The following LRRC7 variants were observed in gnomAD, a reference collection of about 807,000 sequenced individuals.
LRRC7 encodes leucine rich repeat containing 7.
Under a neutral mutation model 175.7 loss-of-function variants are expected in LRRC7, and 23 were observed. The ratio of observed to expected loss-of-function variants is 0.13; its 90% confidence interval spans 0.09 to 0.19. The LOEUF is 0.19. Among genes scored for constraint, LRRC7 ranks in the 10% least tolerant of loss-of-function variants. The pLI, the probability that LRRC7 is intolerant of heterozygous loss-of-function variation, is 1.00. For missense variants in LRRC7, 1,354 were observed against 1,904.7 expected, an observed-to-expected ratio of 0.71 and a Z score of 5.38; for synonymous variants, 685 against 680.9, an observed-to-expected ratio of 1.01 and a Z score of -0.09.
At chr1:69,856,553 A>G (rs558745883) in intron 7 of LRRC7, among the ~76,000 whole-genome samples, 15 of 152,326 alleles carry the variant, frequency 9.8e-5, no homozygotes, top group African/African-American at 1.7e-4. Context: ...CCCTCCCAAG[A>G]CTAAACCAGG....
intron 2 of LRRC7, among the ~76,000 whole-genome samples, chr1:69,707,292 T>C (rs1664157517): frequency 6.6e-6 from 1 of 152,138 alleles, no homozygotes; most frequent in South Asian, 2.1e-4. Flanking sequence ...TGCCCCCAGA[T>C]GCAGCCTTCC....
intron 7 of LRRC7, among the ~76,000 whole-genome samples, chr1:69,869,807 G>A (rs778965653): frequency 5.3e-5 from 8 of 152,026 alleles, no homozygotes; most frequent in Admixed American, 1.3e-4. Flanking sequence ...AATGTTAGCT[G>A]GATTTGAAAT....
At chr1:69,987,320 G>A (rs2101899466) in intron 10 of LRRC7, among the ~76,000 whole-genome samples, 1 of 152,290 alleles carries the variant, frequency 6.6e-6, no homozygotes, top group East Asian at 1.9e-4. Context: ...AAGCTTTTTT[G>A]TGTAGGTATC....
At chr1:69,915,892 T>C (rs1460358103) in intron 7 of LRRC7, among the ~76,000 whole-genome samples, 1 of 150,622 alleles carries the variant, frequency 6.6e-6, no homozygotes, top group Non-Finnish European at 1.5e-5. Flanking sequence ...ATTCTTATTA[T>C]CATTCTTATA....
At chr1:69,922,852 T>G (rs957392606) in intron 7 of LRRC7, among the ~76,000 whole-genome samples, 2 of 151,974 alleles carry the variant, frequency 1.3e-5, no homozygotes, top group Non-Finnish European at 2.9e-5. Flanking sequence ...GGGTACATGT[T>G]CACAATGTGC....
At chr1:69,603,348 G>A (rs571579301) in intron 1 of LRRC7, among the ~76,000 whole-genome samples, 5 of 152,188 alleles carry the variant, frequency 3.3e-5, no homozygotes, top group South Asian at 2.1e-4. Context: ...TGTTAATTAC[G>A]TTATCCTGGT....
chr1:69,989,985 G>A (rs1023652724), intron 10 of LRRC7, among the ~76,000 whole-genome samples: 6 of 152,098 alleles, frequency 3.9e-5, no homozygotes, highest in Non-Finnish European at 7.4e-5. Context: ...TCAAAGTACT[G>A]AAGGTTAATT....
intron 2 of LRRC7, among the ~76,000 whole-genome samples, chr1:69,736,860 T>C (rs1668171139): frequency 6.6e-6 from 1 of 152,122 alleles, no homozygotes; most frequent in Non-Finnish European, 1.5e-5. Flanking sequence ...CTGCCTTTGA[T>C]ATTATTAGCC....
chr1:70,048,978 G>T (rs929876878), intron 22 of LRRC7, among the ~76,000 whole-genome samples: 2 of 151,930 alleles, frequency 1.3e-5, no homozygotes, highest in Admixed American at 6.6e-5. Context: ...TAAATAGTGT[G>T]GTCTCTTCTA....
intron 1 of LRRC7, among the ~76,000 whole-genome samples, chr1:69,577,212 AT>A (rs1010769718): frequency 1.4e-4 from 21 of 152,214 alleles, no homozygotes; most frequent in African/African-American, 4.6e-4. Context: ...TAAGTTCCAT[AT>A]AAAAATCATA....
At chr1:69,877,480 A>T (rs558105652) in intron 7 of LRRC7, among the ~76,000 whole-genome samples, 84 of 152,016 alleles carry the variant, frequency 5.5e-4, no homozygotes, top group African/African-American at 5.3e-4. Flanking sequence ...TTCTTTTTTT[A>T]AAAAAAACCA....
intron 8 of LRRC7, among the ~76,000 whole-genome samples, chr1:69,944,282 C>CTTGTTGGAG (rs1649067520): frequency 6.6e-6 from 1 of 152,078 alleles, no homozygotes; most frequent in Non-Finnish European, 1.5e-5. Flanking sequence ...AAGGTTCATC[C>CTTGTTGGAG]ATGTTTCTAC....
At chr1:69,823,904 C>T (rs1250950143) in intron 4 of LRRC7, among the ~76,000 whole-genome samples, 1 of 152,076 alleles carries the variant, frequency 6.6e-6, no homozygotes, top group African/African-American at 2.4e-5. Flanking sequence ...AAAAGACTTG[C>T]CTAGGGCTAC....
chr1:69,698,332 G>GT (rs34250679), intron 2 of LRRC7, among the ~76,000 whole-genome samples: 66,841 of 152,008 alleles, frequency 0.44, 14,951 homozygotes, highest in Admixed American at 0.5. Flanking sequence ...GCTTAATTTA[G>GT]TTTCAACCCC....
At chr1:69,746,259 A>G (rs1669244648) in intron 2 of LRRC7, among the ~76,000 whole-genome samples, 1 of 152,014 alleles carries the variant, frequency 6.6e-6, no homozygotes. Flanking sequence ...GATGTCCATC[A>G]TATCCATTTT....
intron 1 of LRRC7, among the ~76,000 whole-genome samples, chr1:69,574,766 A>G (rs186822367): frequency 6.6e-6 from 1 of 152,272 alleles, no homozygotes; most frequent in East Asian, 1.9e-4. Context: ...TATACCTTGG[A>G]CCACATATTT....
At chr1:70,059,255 T>C (rs1661389386) in intron 23 of LRRC7, among the ~76,000 whole-genome samples, 1 of 152,158 alleles carries the variant, frequency 6.6e-6, no homozygotes. Flanking sequence ...GTAATAAAGA[T>C]GGATAACAAG....
chr1:69,766,167 G>A (rs922827089), intron 3 of LRRC7, among the ~76,000 whole-genome samples: 4 of 152,050 alleles, frequency 2.6e-5, no homozygotes, highest in East Asian at 3.9e-4. Context: ...TCCCCCAGCA[G>A]TCATGACAAC....
intron 4 of LRRC7, among the ~76,000 whole-genome samples, chr1:69,797,195 C>T (rs1374524168): frequency 6.6e-6 from 1 of 151,994 alleles, no homozygotes; most frequent in Non-Finnish European, 1.5e-5. Context: ...TTGTTTTAAC[C>T]GAGTGCTGGA....
Sources: gnomAD v4.1 joint callset for allele counts (sites outside exome capture counted in the v4.1 genomes callset) on GRCh38, gnomAD v4.1.1 for gene constraint, MANE v1.5 for transcripts, NCBI Gene and HGNC (gene_info 2026-07-23, HGNC 2026-07-21) for gene names.